KLHL29: variants seen among roughly 807,000 people sequenced by gnomAD.
KLHL29 encodes kelch like family member 29, also known as kelch-like protein 29.
Under a neutral mutation model 80.4 loss-of-function variants are expected in KLHL29, and 21 were observed. That is an observed-to-expected ratio of 0.26 (90% confidence interval 0.19 to 0.38). KLHL29 has a LOEUF of 0.38. Ranked by LOEUF, KLHL29 falls within the 10% of genes least tolerant of loss-of-function variation. The pLI, the probability that KLHL29 is intolerant of heterozygous loss-of-function variation, is 1.00. For missense variants in KLHL29, 867 were observed against 1,223.9 expected (o/e 0.71, Z 4.35); for synonymous variants, 511 against 526.8 (o/e 0.97, Z 0.41).
At chr2:23,554,970 C>A (rs534714322) in intron 2 of KLHL29, among the ~76,000 whole-genome samples, 15 of 152,296 alleles carry the variant, frequency 9.8e-5, no homozygotes, top group Non-Finnish European at 2.2e-4. Context: ...CCTGCAATAT[C>A]CTCAGGCCCC....
At chr2:23,607,476 C>T (rs746369229) in intron 3 of KLHL29, among the ~76,000 whole-genome samples, 1 of 152,178 alleles carries the variant, frequency 6.6e-6, no homozygotes, top group Non-Finnish European at 1.5e-5. Context: ...AGTCTTGAAC[C>T]AAATGGAAAA....
At position 23,534,704 on chromosome 2, in the gene KLHL29, T is replaced by A. The variant is rs1414681578; in HGVS notation, c.-45-27448T>A. 2.0e-5 allele frequency among the ~76,000 whole-genome samples: 3 copies of A among 152,126 alleles called. No individual in the cohort carries two copies. In the East Asian group the frequency reaches 5.8e-4, roughly 29 times the overall value. ...CTCATAGAGTGGATGTGTTTTGAGTTGTTGAGTGAAGCTGAGGTCCCACAG... is the reference window on the plus strand; with the variant it reads ...CTCATAGAGTGGATGTGTTTTGAGTAGTTGAGTGAAGCTGAGGTCCCACAG... On this transcript the variant is annotated intron_variant, in intron 2 of 13. Transcript: ENST00000486442.
At chr2:23,570,570 C>T (rs1344057450) in intron 3 of KLHL29, among the ~76,000 whole-genome samples, 2 of 152,206 alleles carry the variant, frequency 1.3e-5, no homozygotes, top group Non-Finnish European at 2.9e-5. Flanking sequence ...CCCTTGGCCC[C>T]CCGACCCCAG....
rs182278765 is a variant in KLHL29 at position 23,555,612 on chromosome 2, G to A, written c.-45-6540G>A. ...CCTGAGGGGAGGTTCGTCTGTGGAG[G>A]TGTGAGGTCAGGGCTCTGTCAGGTG... On this transcript the variant is annotated intron_variant, in intron 2 of 13. Coordinates refer to ENST00000486442, the MANE Select transcript of KLHL29 (RefSeq NM_052920.2). Among the ~76,000 whole-genome samples, 47 of 152,368 alleles carry A rather than the reference G, an allele frequency of 3.1e-4. 1 individual carries two copies. The highest frequency in any genetic ancestry group is 1.0e-3 in the African/African-American group (43 of 41,592).
chr2:23,414,307 T>C (rs1296712626), intron 1 of KLHL29, among the ~76,000 whole-genome samples: 1 of 140,588 alleles, frequency 7.1e-6, no homozygotes, highest in African/African-American at 2.6e-5. Flanking sequence ...GCAGACAGAG[T>C]GGGTGGCACT....
intron 2 of KLHL29, among the ~76,000 whole-genome samples, chr2:23,504,656 C>T (rs1301283560): frequency 6.6e-6 from 1 of 152,202 alleles, no homozygotes; most frequent in Non-Finnish European, 1.5e-5. Context: ...TAGGCACTAA[C>T]TGGGCCAGAA....
intron 8 of KLHL29, among the ~76,000 whole-genome samples, 153 bp downstream of exon 8, chr2:23,693,681 C>T (rs1671765445): frequency 6.6e-6 from 1 of 152,172 alleles, no homozygotes; most frequent in Admixed American, 6.5e-5. Flanking sequence ...GGTGAGAAAC[C>T]AGTCACCAAA....
chr2:23,431,201 TC>T (rs1663166007), intron 1 of KLHL29, among the ~76,000 whole-genome samples: 1 of 152,156 alleles, frequency 6.6e-6, no homozygotes, highest in African/African-American at 2.4e-5. Context: ...CAACAGGTCT[TC>T]CTACTCTCCC....
rs59352915 is a variant in KLHL29, at chr2:23,684,341, TA to T, written c.941-45del. On this transcript the variant is annotated intron_variant, in intron 5 of 13. Coordinates refer to ENST00000486442, the MANE Select transcript of KLHL29 (RefSeq NM_052920.2). This position sits in a 1 kb window ranked among gnomAD's most constrained non-coding sequence, Gnocchi z 4.4. ...AAAAAGAAAAAAAACTTTTTTTAATTAAAAAAAAAAAAACTCTTAATGGGAA... is the reference window on the plus strand; with the variant it reads ...AAAAAGAAAAAAAACTTTTTTTAATTAAAAAAAAAAAACTCTTAATGGGAA... 63,376 of 918,772 alleles carry T rather than the reference TA, an allele frequency of 0.069. 46 individuals are homozygous for T. Among genetic ancestry groups the T allele is most frequent in the Middle Eastern group, 0.076 (260 of 3,436 alleles). 56.9% of individuals were successfully genotyped at this position (918,772 alleles called of 1,614,324 possible).
rs558675743 is a variant in KLHL29 at position 23,553,843 on chromosome 2, G to A, written c.-45-8309G>A. On this transcript the variant is annotated intron_variant, in intron 2 of 13. Coordinates refer to ENST00000486442, the MANE Select transcript of KLHL29 (RefSeq NM_052920.2). ...GGCAGCTCCAGTGGAGGAAACGAAG[G>A]GGGAAAGGTGGCCCTGTCTTTAGGG... Among the ~76,000 whole-genome samples, 24 of 152,360 alleles carry A rather than the reference G, an allele frequency of 1.6e-4. No individual in the cohort carries two copies. In the South Asian group the frequency reaches 5.0e-3, roughly 32 times the overall value.
rs1558446356 is a variant in KLHL29, at chr2:23,695,930, CGCCCAT to C, written c.1742-20_1742-15del. The C allele has an allele frequency of 6.5e-7, 1 of 1,548,178 alleles. No homozygotes were observed. The highest frequency in any genetic ancestry group is 2.4e-5 in the East Asian group (1 of 40,926). On this transcript the variant is annotated splice_polypyrimidine_tract_variant and intron_variant, in intron 9 of 13. Transcript: ENST00000486442. The surrounding 1 kb of genome is among the most constrained non-coding windows in gnomAD (Gnocchi z 7.6). ...ACAGTCTTAGAGTGTGTCCCAAGGGCGCCCATCCATGTCCCTGCAGGTGTGGCTGAG... is the reference window on the plus strand; with the variant it reads ...ACAGTCTTAGAGTGTGTCCCAAGGGCCCATGTCCCTGCAGGTGTGGCTGAG...
At chr2:23,420,893 G>A (rs569263268) in intron 1 of KLHL29, among the ~76,000 whole-genome samples, 4 of 151,910 alleles carry the variant, frequency 2.6e-5, no homozygotes, top group South Asian at 2.1e-4. Context: ...CTTCAAAGCC[G>A]AGCATCAATC....
intron 2 of KLHL29, among the ~76,000 whole-genome samples, chr2:23,514,304 T>C (rs573977219): frequency 1.3e-5 from 2 of 152,224 alleles, no homozygotes; most frequent in African/African-American, 2.4e-5. Context: ...CAGGGCTCCA[T>C]TGGAGAGAGA....
Position 23,421,524 on chromosome 2 carries a change from T to TTGTGTGTG in KLHL29, c.-154+35778_-154+35785dup, listed in dbSNP as rs57348539. 8.2e-4 allele frequency among the ~76,000 whole-genome samples: 118 copies of TTGTGTGTG among 143,602 alleles called. 1 individual carries two copies. The highest frequency in any genetic ancestry group is 1.3e-3 in the Non-Finnish European group (82 of 65,354). 94.2% of individuals were successfully genotyped at this position (143,602 alleles called of 152,430 possible). On this transcript the variant is annotated intron_variant, in intron 1 of 13. Transcript: ENST00000486442. Reference sequence around the variant, plus strand: ...GTCAGGAAGGAAGGTTTAGACAAGATTGTGTGTGTGTGTGTGTGTGTGTGT... The same window carrying TTGTGTGTG: ...GTCAGGAAGGAAGGTTTAGACAAGATTGTGTGTGTGTGTGTGTGTGTGTGTGTGTGTGT...
intron 3 of KLHL29, among the ~76,000 whole-genome samples, chr2:23,623,521 T>C (rs551408538): frequency 6.6e-6 from 1 of 152,298 alleles, no homozygotes; most frequent in East Asian, 1.9e-4. Context: ...GGAAAATGTA[T>C]CTGGGAGGAA....
At chr2:23,416,192 T>A (rs1430323123) in intron 1 of KLHL29, among the ~76,000 whole-genome samples, 1 of 152,170 alleles carries the variant, frequency 6.6e-6, no homozygotes, top group Non-Finnish European at 1.5e-5. Flanking sequence ...AAAGAAGCTG[T>A]TGTATTCTGA....
intron 1 of KLHL29, among the ~76,000 whole-genome samples, chr2:23,473,239 G>A (rs1382268426): frequency 1.3e-5 from 2 of 152,134 alleles, no homozygotes; most frequent in Non-Finnish European, 2.9e-5. Flanking sequence ...GCTTGCATGG[G>A]CTGAACCTAA....
At chr2:23,472,680 G>A (rs1297627462) in intron 1 of KLHL29, among the ~76,000 whole-genome samples, 2 of 152,106 alleles carry the variant, frequency 1.3e-5, no homozygotes, top group Non-Finnish European at 2.9e-5. Flanking sequence ...TGACCATTAT[G>A]TGTCCTGGGG....
intron 3 of KLHL29, among the ~76,000 whole-genome samples, chr2:23,628,631 G>A (rs1297982204): frequency 6.6e-6 from 1 of 152,160 alleles, no homozygotes; most frequent in Non-Finnish European, 1.5e-5. Context: ...CAGCCTGGAT[G>A]ACAGATCGAC....
Sources: gnomAD v4.1 joint callset for allele counts (sites outside exome capture counted in the v4.1 genomes callset) on GRCh38, gnomAD v4.1.1 for gene constraint, Gnocchi (gnomAD v3.1) non-coding constraint, MANE v1.5 for transcripts, NCBI Gene and HGNC (gene_info 2026-07-23, HGNC 2026-07-21) for gene names.